Variants in DLGAP1 observed in about 807,000 individuals in gnomAD.
DLGAP1 encodes disks large-associated protein 1.
DLGAP1 carries 11 observed loss-of-function variants against 90.8 expected under a neutral mutation model. The observed-to-expected ratio is 0.12, with a 90% CI of 0.08 to 0.20. DLGAP1 has a LOEUF of 0.20. DLGAP1 is among the 10% of genes least tolerant of loss of function. The pLI is 1.00. For missense variants in DLGAP1, 1,050 were observed against 1,333.8 expected, an observed-to-expected ratio of 0.79 and a Z score of 3.31; for synonymous variants, 558 against 540.7, an observed-to-expected ratio of 1.03 and a Z score of -0.44.
At position 3,627,987 on chromosome 18, in the gene DLGAP1, T is replaced by C. The variant is rs567015392; in HGVS notation, c.1592-45739A>G. Reference sequence around the variant, plus strand: ...CCCACCTCCCCGGTTCCAGTGATTCTCCTGCCACAGCCTCCCGAGTAGCTG... The same window carrying C: ...CCCACCTCCCCGGTTCCAGTGATTCCCCTGCCACAGCCTCCCGAGTAGCTG... On this transcript the variant is annotated intron_variant, in intron 7 of 12. Coordinates refer to ENST00000315677, the MANE Select transcript of DLGAP1 (RefSeq NM_004746.4). Among the ~76,000 whole-genome samples, 912 of 147,314 alleles carry C rather than the reference T, an allele frequency of 6.2e-3. 5 individuals are homozygous for C. The highest frequency in any genetic ancestry group is 0.022 in the African/African-American group (870 of 40,146).
intron 1 of DLGAP1, among the ~76,000 whole-genome samples, chr18:4,254,698 G>C (rs868319674): frequency 0.022 from 3,324 of 152,188 alleles, 122 homozygotes; most frequent in African/African-American, 0.076. Context: ...TATGAAAATT[G>C]GAAAGAGACT....
chr18:4,085,261 GA>G (rs2075665892), intron 2 of DLGAP1, among the ~76,000 whole-genome samples: 1 of 151,874 alleles, frequency 6.6e-6, no homozygotes, highest in African/African-American at 2.4e-5. Context: ...CACCAAGGCA[GA>G]AAAAAAATGT....
At position 3,522,281 on chromosome 18, in the gene DLGAP1, C is replaced by T. The variant is rs183646974; in HGVS notation, c.2479+11913G>A. On this transcript the variant is annotated intron_variant, in intron 10 of 12. Coordinates refer to ENST00000315677, the MANE Select transcript of DLGAP1 (RefSeq NM_004746.4). ...CCTCCCGAGTAGCTGGGATTACATG[C>T]GCGTGCCACCACGCCCAGCTAATTT... 1.0e-3 allele frequency among the ~76,000 whole-genome samples: 155 copies of T among 151,528 alleles called. 1 individual carries two copies. Among genetic ancestry groups the T allele is most frequent in the African/African-American group, 3.5e-3 (143 of 41,266 alleles).
intron 6 of DLGAP1, among the ~76,000 whole-genome samples, chr18:3,741,170 A>AC (rs1240418450): frequency 9.3e-4 from 45 of 48,312 alleles, no homozygotes; most frequent in African/African-American, 3.3e-3. Flanking sequence ...CATCACCACC[A>AC]CATCACCACC....
chr18:3,611,059 G>A (rs1454833653), intron 7 of DLGAP1, among the ~76,000 whole-genome samples: 1 of 151,852 alleles, frequency 6.6e-6, no homozygotes, highest in African/African-American at 2.4e-5. Flanking sequence ...TTGAGCCCAG[G>A]AGGTCGAGGC....
intron 2 of DLGAP1, among the ~76,000 whole-genome samples, chr18:4,011,854 A>C (rs1009493973): frequency 3.3e-5 from 5 of 151,968 alleles, no homozygotes; most frequent in Non-Finnish European, 5.9e-5. Context: ...AACAACAACA[A>C]CACAAAACCA....
chr18:3,509,952 A>G (rs2050447907), intron 10 of DLGAP1, among the ~76,000 whole-genome samples: 1 of 152,212 alleles, frequency 6.6e-6, no homozygotes, highest in Non-Finnish European at 1.5e-5. Context: ...AACAGCTCAC[A>G]GACAGATATT....
At chr18:4,431,445 T>C (rs1176748306) in intron 1 of DLGAP1, among the ~76,000 whole-genome samples, 6 of 152,218 alleles carry the variant, frequency 3.9e-5, no homozygotes, top group Non-Finnish European at 8.8e-5. Context: ...TTGCATCTTA[T>C]GTACTGAAAT....
chr18:4,333,772 A>G lies in DLGAP1; in HGVS notation c.-267+121234T>C, dbSNP rs2081005522. 2.0e-5 allele frequency among the ~76,000 whole-genome samples: 3 copies of G among 150,252 alleles called. No individual in the cohort carries two copies. The South Asian group carries it at 6.4e-4, about 32-fold the overall frequency. On this transcript the variant is annotated intron_variant, in intron 1 of 12. Transcript: ENST00000315677. ...GTAGCTGGAACTACAGGCGCCCACC[A>G]CCACGCCCGGCTATTTTCAGGGTTT...
intron 1 of DLGAP1, among the ~76,000 whole-genome samples, chr18:4,404,451 TA>T (rs2082621000): frequency 6.6e-6 from 1 of 152,094 alleles, no homozygotes; most frequent in Admixed American, 6.6e-5. Flanking sequence ...GAATAAAGCT[TA>T]AACAACAACA....
chr18:3,548,473 A>AC (rs2053188695), intron 9 of DLGAP1, among the ~76,000 whole-genome samples: 1 of 151,414 alleles, frequency 6.6e-6, no homozygotes, highest in African/African-American at 2.4e-5. Context: ...AAAAAAAAAA[A>AC]CCTAAAGCTA....
intron 7 of DLGAP1, among the ~76,000 whole-genome samples, chr18:3,602,163 A>G (rs1482934721): frequency 6.6e-6 from 1 of 151,878 alleles, no homozygotes. Flanking sequence ...GTCTGCAAGT[A>G]CTCTCACCCT....
At chr18:4,041,907 A>G (rs576688116) in intron 2 of DLGAP1, among the ~76,000 whole-genome samples, 9 of 152,366 alleles carry the variant, frequency 5.9e-5, no homozygotes, top group African/African-American at 1.9e-4. Flanking sequence ...TTTTGAAAAG[A>G]AAATATGGGA....
At chr18:4,269,348 A>T (rs1223834354) in intron 1 of DLGAP1, among the ~76,000 whole-genome samples, 8 of 133,490 alleles carry the variant, frequency 6.0e-5, no homozygotes, top group South Asian at 2.3e-4. Flanking sequence ...ATATATATAT[A>T]TATATATTTT....
chr18:4,037,500 A>G (rs762906976), intron 2 of DLGAP1, among the ~76,000 whole-genome samples: 3 of 152,190 alleles, frequency 2.0e-5, no homozygotes, highest in Non-Finnish European at 2.9e-5. Flanking sequence ...AAATCTGAAC[A>G]TGGATTTTTT....
chr18:3,599,184 CCAATTTACTCCA>C (rs1258614932), intron 7 of DLGAP1, among the ~76,000 whole-genome samples: 4 of 152,216 alleles, frequency 2.6e-5, no homozygotes, highest in Non-Finnish European at 4.4e-5. Context: ...AAAATCTATA[CCAATTTACTCCA>C]CAAACCCCCA....
chr18:4,411,364 G>C (rs557756205), intron 1 of DLGAP1, among the ~76,000 whole-genome samples: 35 of 152,178 alleles, frequency 2.3e-4, no homozygotes, highest in Non-Finnish European at 4.4e-4. Flanking sequence ...AAATACACTG[G>C]AGGATACAAC....
intron 3 of DLGAP1, among the ~76,000 whole-genome samples, chr18:3,941,139 A>G (rs1245570660): frequency 6.6e-6 from 1 of 152,218 alleles, no homozygotes; most frequent in Non-Finnish European, 1.5e-5. Context: ...TAAGGAAAAA[A>G]CTGTCATGAT....
At chr18:3,873,683 T>C (rs1044720929) in intron 4 of DLGAP1, among the ~76,000 whole-genome samples, 3 of 152,180 alleles carry the variant, frequency 2.0e-5, no homozygotes, top group South Asian at 2.1e-4. Flanking sequence ...ATTTTACCTG[T>C]ATTTAAAAGA....
Sources: gnomAD v4.1 joint callset for allele counts (sites outside exome capture counted in the v4.1 genomes callset) on GRCh38, gnomAD v4.1.1 for gene constraint, MANE v1.5 for transcripts, NCBI Gene and HGNC (gene_info 2026-07-23, HGNC 2026-07-21) for gene names.